THTPA: variants seen among roughly 807,000 people sequenced by gnomAD.
The protein encoded by THTPA is thiamine-triphosphatase.
Under a neutral mutation model 16.5 loss-of-function variants are expected in THTPA, and 16 were observed. The observed-to-expected ratio is 0.97, with a 90% CI of 0.66 to 1.47. The LOEUF is 1.47. THTPA is among the 40% of genes most tolerant of loss of function. The probability of loss-of-function intolerance (pLI) is 0.00; values close to 1 mark genes in which losing one functional copy is unlikely to be tolerated. For synonymous variants in THTPA, 110 were observed against 115.5 expected (o/e 0.95, Z 0.30); for missense variants, 281 against 280.9 (o/e 1.00, Z 0.00).
At chr14:23,551,854 G>A (rs924901834), upstream of THTPA, among the ~76,000 whole-genome samples, 2 of 152,158 alleles carry the variant, frequency 1.3e-5, no homozygotes, top group African/African-American at 4.8e-5. This position sits in a 1 kb window ranked among gnomAD's most constrained non-coding sequence, Gnocchi z 5.3. Context: ...TAGTCTGTTC[G>A]CGCCCGCCCG....
At chr14:23,522,364 GCTGC>G in the THTPA span, 1 of 1,535,994 alleles carries the variant, frequency 6.5e-7, no homozygotes. Flanking sequence ...AGATGCCAGT[GCTGC>G]CTGTCAGCAG....
At chr14:23,544,559 G>T in the THTPA span, among the ~76,000 whole-genome samples, 1 of 152,180 alleles carries the variant, frequency 6.6e-6, no homozygotes. Flanking sequence ...CCATGTACAC[G>T]TGTGTGGGCC....
the THTPA span, among the ~76,000 whole-genome samples, chr14:23,520,207 C>T: frequency 3.9e-5 from 6 of 152,150 alleles, no homozygotes; most frequent in Non-Finnish European, 7.3e-5. This position sits in a 1 kb window ranked among gnomAD's most constrained non-coding sequence, Gnocchi z 8.7. Flanking sequence ...CAATTCGTGT[C>T]AGCTCTAGAA....
the THTPA span, chr14:23,535,359 C>T: frequency 1.3e-5 from 18 of 1,439,450 alleles, no homozygotes; most frequent in South Asian, 5.8e-5. This position sits in a 1 kb window ranked among gnomAD's most constrained non-coding sequence, Gnocchi z 4.5. Flanking sequence ...CTCATGTCAG[C>T]GTGACAGCCA....
rs1566602529 is a variant in THTPA, at chr14:23,556,919, G to T, written c.162G>T (p.Leu54=). ...GCCTCATGCAGGCTGACCACTGGCTGCGACGACGAGAGGATAGTGGATGGG... is the reference window on the plus strand; with the variant it reads ...GCCTCATGCAGGCTGACCACTGGCTTCGACGACGAGAGGATAGTGGATGGG... ...ELSLMQADHW[L]RRREDSGWEL... Residue 54 remains leucine (L), a synonymous_variant, in exon 1 of 2, where the codon CTG becomes CTT. Transcript: ENST00000288014. The T allele has an allele frequency of 6.2e-7, 1 of 1,614,120 alleles. No homozygotes were observed. Among genetic ancestry groups the T allele is most frequent in the Non-Finnish European group, 8.5e-7 (1 of 1,179,980 alleles).
chr14:23,520,396 G>GT, the THTPA span, among the ~76,000 whole-genome samples: 2 of 59,114 alleles, frequency 3.4e-5, no homozygotes, highest in Non-Finnish European at 1.4e-4. The surrounding 1 kb of genome is among the most constrained non-coding windows in gnomAD (Gnocchi z 8.7). Context: ...TGGGCCTCCA[G>GT]GGGGGCAGCA....
At chr14:23,512,724 G>A in the THTPA span, 4 of 150,888 alleles carry the variant, frequency 2.7e-5, no homozygotes, top group Non-Finnish European at 5.9e-5. Context: ...GTGTGTGTGT[G>A]TGTGTATATA....
the THTPA span, among the ~76,000 whole-genome samples, chr14:23,519,266 T>C: frequency 6.6e-6 from 1 of 152,218 alleles, no homozygotes; most frequent in Non-Finnish European, 1.5e-5. Flanking sequence ...AATCATTCCA[T>C]GCCAGGTGTT....
At chr14:23,551,128 C>A (rs1301079734), upstream of THTPA, among the ~76,000 whole-genome samples, 2 of 151,938 alleles carry the variant, frequency 1.3e-5, no homozygotes, top group South Asian at 2.1e-4. The surrounding 1 kb of genome is among the most constrained non-coding windows in gnomAD (Gnocchi z 5.3). Context: ...TCCTCCCACA[C>A]CCCTGTCTGC....
At chr14:23,526,826 G>T in the THTPA span, 4 of 1,524,256 alleles carry the variant, frequency 2.6e-6, no homozygotes, top group East Asian at 9.8e-5. Flanking sequence ...ACCTTGGGAG[G>T]TTTGCTGTTC....
At chr14:23,534,770 G>T in the THTPA span, 1 of 1,536,192 alleles carries the variant, frequency 6.5e-7, no homozygotes, top group Non-Finnish European at 8.7e-7. The surrounding 1 kb of genome is among the most constrained non-coding windows in gnomAD (Gnocchi z 4.5). Flanking sequence ...GACAGAATTT[G>T]GTCAGAAGAG....
At chr14:23,540,147 C>T in the THTPA span, among the ~76,000 whole-genome samples, 15 of 152,132 alleles carry the variant, frequency 9.9e-5, no homozygotes, top group Admixed American at 3.9e-4. Context: ...TGTGCCACCA[C>T]GCCCAGCTAA....
chr14:23,555,507 A>G (rs1286528155), upstream of THTPA, among the ~76,000 whole-genome samples: 2 of 152,168 alleles, frequency 1.3e-5, no homozygotes, highest in Admixed American at 1.3e-4. Context: ...TAGGTCTCCA[A>G]CTGTTGAAAT....
chr14:23,549,463 AC>A, the THTPA span, among the ~76,000 whole-genome samples: 1 of 152,128 alleles, frequency 6.6e-6, no homozygotes. Flanking sequence ...TCCTTTATCC[AC>A]CCTTACTGTT....
chr14:23,535,645 T>C, the THTPA span, among the ~76,000 whole-genome samples: 2 of 152,082 alleles, frequency 1.3e-5, no homozygotes, highest in Non-Finnish European at 2.9e-5. The surrounding 1 kb of genome is among the most constrained non-coding windows in gnomAD (Gnocchi z 4.5). Flanking sequence ...CAGGATGGAG[T>C]GCAATGGCGT....
At chr14:23,542,362 A>G in the THTPA span, 2 of 152,330 alleles carry the variant, frequency 1.3e-5, no homozygotes, top group African/African-American at 4.8e-5. Flanking sequence ...GGTAGGCTGA[A>G]ACCACACACG....
the THTPA span, among the ~76,000 whole-genome samples, chr14:23,541,599 T>C: frequency 2.0e-5 from 3 of 152,156 alleles, no homozygotes; most frequent in Non-Finnish European, 4.4e-5. Context: ...GATTTAAATC[T>C]AGTCTACTCA....
chr14:23,533,861 C>T, the THTPA span: 1 of 1,538,478 alleles, frequency 6.5e-7, no homozygotes, highest in Non-Finnish European at 8.7e-7. The surrounding 1 kb of genome is among the most constrained non-coding windows in gnomAD (Gnocchi z 4.8). Context: ...TGGGCGCCCC[C>T]AGCACTGCAG....
chr14:23,533,559 G>T, the THTPA span: 1 of 1,536,454 alleles, frequency 6.5e-7, no homozygotes, highest in Non-Finnish European at 8.7e-7. This position sits in a 1 kb window ranked among gnomAD's most constrained non-coding sequence, Gnocchi z 4.8. Context: ...GCTTCTCAGA[G>T]GTCATATGGA....
Sources: allele counts gnomAD v4.1 joint callset (sites outside exome capture counted in the v4.1 genomes callset), GRCh38; gene constraint gnomAD v4.1.1; non-coding constraint Gnocchi (gnomAD v3.1); transcripts MANE v1.5; gene names NCBI Gene and HGNC (gene_info 2026-07-23, HGNC 2026-07-21).